The following BRINP3 variants were observed in gnomAD, a reference collection of about 807,000 sequenced individuals.
The protein encoded by BRINP3 is BMP/retinoic acid-inducible neural-specific protein 3.
A neutral mutation model predicts 71.0 loss-of-function variants in BRINP3; 19 were observed. The observed-to-expected ratio is 0.27, with a 90% CI of 0.19 to 0.39. BRINP3 has a LOEUF of 0.39. Ranked by LOEUF, BRINP3 falls within the 10% of genes least tolerant of loss-of-function variation. BRINP3 has a pLI of 1.00. For missense variants in BRINP3, 959 were observed against 940.8 expected, an observed-to-expected ratio of 1.02 and a Z score of -0.25; for synonymous variants, 380 against 337.7, an observed-to-expected ratio of 1.13 and a Z score of -1.37.
intron 2 of BRINP3, among the ~76,000 whole-genome samples, chr1:190,452,747 C>G (rs1675702209): frequency 6.6e-6 from 1 of 152,110 alleles, no homozygotes; most frequent in Non-Finnish European, 1.5e-5. Context: ...ATCTAAGCTA[C>G]TTGGGAGCCT....
intron 3 of BRINP3, among the ~76,000 whole-genome samples, chr1:190,269,794 G>GTAT (rs144465852): frequency 6.1e-4 from 93 of 152,164 alleles, no homozygotes; most frequent in African/African-American, 2.2e-3. Context: ...GCCTTCTGAT[G>GTAT]TATTGTTGGT....
chr1:190,370,391 A>G (rs1236304420), intron 2 of BRINP3, among the ~76,000 whole-genome samples: 1 of 152,216 alleles, frequency 6.6e-6, no homozygotes, highest in African/African-American at 2.4e-5. Context: ...CAGAAAAGAA[A>G]GAATTAATTC....
At chr1:190,436,111 A>G (rs956104218) in intron 2 of BRINP3, among the ~76,000 whole-genome samples, 2 of 151,886 alleles carry the variant, frequency 1.3e-5, no homozygotes, top group African/African-American at 4.8e-5. Context: ...TTCCACATCA[A>G]TGAGTTAAAT....
chr1:190,332,378 T>C (rs1667023168), intron 2 of BRINP3, among the ~76,000 whole-genome samples: 1 of 152,070 alleles, frequency 6.6e-6, no homozygotes, highest in African/African-American at 2.4e-5. Flanking sequence ...TGGTATACTG[T>C]ATGGCAGCCA....
Position 190,203,408 on chromosome 1 carries a change from T to C in BRINP3, c.961+22674A>G, listed in dbSNP as rs752001765. On this transcript the variant is annotated intron_variant, in intron 6 of 7. Coordinates refer to ENST00000367462, the MANE Select transcript of BRINP3 (RefSeq NM_199051.3). ...CAAAAGTACTTATCAAATATATATA[T>C]GTATGTGTGTGTGTATATATATATA... 1.6e-4 allele frequency among the ~76,000 whole-genome samples: 24 copies of C among 146,770 alleles called. 1 individual carries two copies. The highest frequency in any genetic ancestry group is 3.5e-4 in the Admixed American group (5 of 14,416).
chr1:190,357,812 A>T (rs533635935), intron 2 of BRINP3, among the ~76,000 whole-genome samples: 28 of 152,074 alleles, frequency 1.8e-4, no homozygotes, highest in African/African-American at 6.5e-4. Flanking sequence ...CAAAACAGAG[A>T]TGTAGACCAA....
intron 2 of BRINP3, among the ~76,000 whole-genome samples, chr1:190,428,463 A>T (rs116836624): frequency 0.012 from 1,769 of 152,082 alleles, 37 homozygotes; most frequent in African/African-American, 0.04. Flanking sequence ...TTCTAATGAA[A>T]AAAAGTATTT....
intron 2 of BRINP3, among the ~76,000 whole-genome samples, chr1:190,402,988 A>C (rs575934659): frequency 6.6e-6 from 1 of 152,098 alleles, no homozygotes; most frequent in Non-Finnish European, 1.5e-5. Flanking sequence ...CGGCCTCCCA[A>C]CGTGCTGGGA....
At chr1:190,259,822 G>A (rs1661017994) in intron 4 of BRINP3, among the ~76,000 whole-genome samples, 1 of 151,660 alleles carries the variant, frequency 6.6e-6, no homozygotes, top group South Asian at 2.1e-4. Flanking sequence ...CTGAGGTCAG[G>A]AGTTCAAGAC....
chr1:190,454,793 G>A lies in BRINP3; in HGVS notation c.98C>T (p.Ala33Val). The stretch of plus-strand genomic sequence containing the variant: ...TGTGGCATGCTGATCCGAAACAGCA[G>A]CAACCGCTAAAACCCAGCAATGAAG... ...LSLHCWVLAV[A>V]AVSDQHATSP... The change falls in exon 2 of 8, where the codon GCT becomes GTT. Residue 33 changes from alanine (A) to valine (V), a missense_variant. By Grantham distance (64) the Ala-to-Val change is moderately conservative. Transcript: ENST00000367462. 1 of 1,614,130 alleles carries A rather than the reference G, an allele frequency of 6.2e-7. No homozygotes were observed. Among genetic ancestry groups the A allele is most frequent in the Non-Finnish European group, 8.5e-7 (1 of 1,180,028 alleles).
At chr1:190,153,612 C>A (rs1374358198) in intron 7 of BRINP3, among the ~76,000 whole-genome samples, 1 of 152,094 alleles carries the variant, frequency 6.6e-6, no homozygotes, top group African/African-American at 2.4e-5. Flanking sequence ...TCCTAATTTC[C>A]ATACAGTTTC....
intron 7 of BRINP3, among the ~76,000 whole-genome samples, chr1:190,124,920 A>G (rs1653964737): frequency 6.6e-6 from 1 of 152,088 alleles, no homozygotes; most frequent in Non-Finnish European, 1.5e-5. Context: ...TATTCCACAG[A>G]GTGTCATGAA....
At chr1:190,165,279 A>T (rs963217033) in intron 6 of BRINP3, among the ~76,000 whole-genome samples, 5 of 152,034 alleles carry the variant, frequency 3.3e-5, no homozygotes, top group African/African-American at 7.2e-5. Flanking sequence ...TTGTGAACAT[A>T]GGATTTCTTG....
intron 2 of BRINP3, among the ~76,000 whole-genome samples, chr1:190,379,437 GA>G (rs1050076455): frequency 4.6e-5 from 7 of 151,448 alleles, no homozygotes; most frequent in African/African-American, 7.3e-5. Flanking sequence ...TATGGAGGAA[GA>G]AAAAAAATAA....
At chr1:190,253,021 T>A (rs1336842983) in intron 4 of BRINP3, among the ~76,000 whole-genome samples, 1 of 151,970 alleles carries the variant, frequency 6.6e-6, no homozygotes, top group African/African-American at 2.4e-5. Context: ...TATGAGAACA[T>A]ATGGTGTTTG....
At chr1:190,459,978 A>G (rs1676274499) in intron 1 of BRINP3, among the ~76,000 whole-genome samples, 1 of 151,840 alleles carries the variant, frequency 6.6e-6, no homozygotes, top group Non-Finnish European at 1.5e-5. Context: ...TAAATTTTTA[A>G]GTATTGGACA....
At chr1:190,300,258 C>A (rs1011782462) in intron 2 of BRINP3, among the ~76,000 whole-genome samples, 1 of 152,052 alleles carries the variant, frequency 6.6e-6, no homozygotes, top group Non-Finnish European at 1.5e-5. Flanking sequence ...TCTTTTTATT[C>A]TTTTTTCTCT....
At chr1:190,339,639 A>G (rs1391906108) in intron 2 of BRINP3, among the ~76,000 whole-genome samples, 3 of 151,944 alleles carry the variant, frequency 2.0e-5, no homozygotes, top group African/African-American at 7.2e-5. Context: ...AATGTTATTC[A>G]TGTGGCTCCT....
At chr1:190,388,988 G>A (rs184377825) in intron 2 of BRINP3, among the ~76,000 whole-genome samples, 257 of 151,766 alleles carry the variant, frequency 1.7e-3, no homozygotes, top group Non-Finnish European at 2.8e-3. Flanking sequence ...AGGCACAAGA[G>A]TAGATATTTA....
Sources: allele counts gnomAD v4.1 joint callset (sites outside exome capture counted in the v4.1 genomes callset), GRCh38; gene constraint gnomAD v4.1.1; transcripts MANE v1.5; gene names NCBI Gene and HGNC (gene_info 2026-07-23, HGNC 2026-07-21).